LGALS13: variants seen among roughly 807,000 people sequenced by gnomAD.
LGALS13 encodes the protein galectin 13, also known as galactoside-binding soluble lectin 13.
A neutral mutation model predicts 13.2 loss-of-function variants in LGALS13; 11 were observed. That is an observed-to-expected ratio of 0.83 (90% CI 0.52 to 1.38). The LOEUF (loss-of-function observed/expected upper bound fraction) is 1.38. Ranked by LOEUF, LGALS13 falls within the 40% of genes most tolerant of loss-of-function variation. LGALS13 has a pLI of 0.00. For missense variants in LGALS13, 183 were observed against 174.3 expected (o/e 1.05, Z -0.28); for synonymous variants, 71 against 63.7 (o/e 1.11, Z -0.54).
At chr19:39,605,133 C>T (rs769700126) in intron 2 of LGALS13, 45 bp from the exon 3 acceptor site, 27 of 1,497,208 alleles carry the variant, frequency 1.8e-5, no homozygotes, top group South Asian at 2.3e-5. Flanking sequence ...TGTGTGTCTG[C>T]GCAAGGGAGG....
At chr19:39,602,677 G>A (rs1353363788) in intron 1 of LGALS13, 94 bp downstream of exon 1, 1 of 1,213,352 alleles carries the variant, frequency 8.2e-7, no homozygotes, top group African/African-American at 1.5e-5. Context: ...GAGCATTTTT[G>A]CTGTGAATGC....
rs1429841018 is a variant in LGALS13, at chr19:39,607,313, C to T, written c.394C>T (p.Leu132=). The T allele has an allele frequency of 6.2e-7, 1 of 1,613,006 alleles. No individual in the cohort carries two copies. The highest frequency in any genetic ancestry group is 8.5e-7 in the Non-Finnish European group (1 of 1,179,050). ...GGTGCAAGTGTCGAGAGATATCTCCCTGACCTCAGTGTGTGTCTGCAATTG... is the reference window on the plus strand; with the variant it reads ...GGTGCAAGTGTCGAGAGATATCTCCTTGACCTCAGTGTGTGTCTGCAATTG... ...KMVQVSRDIS[L]TSVCVCN Residue 132 remains leucine, a synonymous_variant, in exon 4 of 4, where the codon CTG becomes TTG. Coordinates refer to ENST00000221797, the MANE Select transcript of LGALS13 (RefSeq NM_013268.3).
chr19:39,604,758 T>C lies in LGALS13; in HGVS notation c.92+80T>C, dbSNP rs73930757. The C allele has an allele frequency of 3.4e-3, 5,194 of 1,539,310 alleles. 138 individuals are homozygous for C. The African/African-American group carries it at 0.063, about 19-fold the overall frequency. On this transcript the variant is annotated intron_variant, in intron 2 of 3. Transcript: ENST00000221797. The stretch of plus-strand genomic sequence containing the variant: ...AAGATTTGACCTTACATGTGGGTGA[T>C]GTGGAAATGTCTAGTTGGCAGAATG...
At chr19:39,604,087 T>G (rs1378530033) in intron 1 of LGALS13, 3 of 612,586 alleles carry the variant, frequency 4.9e-6, no homozygotes, top group Non-Finnish European at 6.1e-6. Context: ...TCAACAAGTG[T>G]TGTTTCTCAC....
At position 39,604,692 on chromosome 19, in the gene LGALS13, G is replaced by A; in HGVS notation, c.92+14G>A. 2 of 1,611,614 alleles carry A rather than the reference G, an allele frequency of 1.2e-6. No individual in the cohort carries two copies. The highest frequency in any genetic ancestry group is 4.5e-5 in the East Asian group (2 of 44,866). On this transcript the variant is annotated intron_variant, in intron 2 of 3. Transcript: ENST00000221797. ...CCACTCTTTTATGTGAGTACTCCAT[G>A]GTCCAATGGAGGGGTTGGAGAAGAA... is the stretch of plus-strand genomic sequence containing the variant.
intron 1 of LGALS13, among the ~76,000 whole-genome samples, chr19:39,603,028 T>A (rs1264609653): frequency 6.6e-6 from 1 of 152,152 alleles, no homozygotes; most frequent in African/African-American, 2.4e-5. Flanking sequence ...TGGCTCTGTG[T>A]GACTGTGAGT....
chr19:39,606,177 T>G (rs964260601), intron 3 of LGALS13, among the ~76,000 whole-genome samples: 4 of 152,256 alleles, frequency 2.6e-5, no homozygotes, highest in African/African-American at 9.6e-5. Flanking sequence ...TATGGAAGCA[T>G]ATAGATATGT....
chr19:39,605,728 G>A (rs1483438128), intron 3 of LGALS13, among the ~76,000 whole-genome samples: 1 of 152,080 alleles, frequency 6.6e-6, no homozygotes, highest in Non-Finnish European at 1.5e-5. Context: ...AAAAAAAAAG[G>A]TTGTTTTAAT....
At chr19:39,605,435 A>C (rs750317932) in intron 3 of LGALS13, 47 bp downstream of exon 3, 1 of 1,493,024 alleles carries the variant, frequency 6.7e-7, no homozygotes, top group East Asian at 2.3e-5. Flanking sequence ...TGGGCTCCCA[A>C]AACAGGAGGC....
At position 39,605,430 on chromosome 19, in the gene LGALS13, T is replaced by A. The variant is rs756951969; in HGVS notation, c.303+42T>A. 4.5e-6 allele frequency: 7 copies of A among 1,540,216 alleles called. No individual in the cohort carries two copies. The South Asian group carries it at 7.9e-5, about 17-fold the overall frequency. ...CTCCCAGCACCCAGGCTCTGTGGGC[T>A]CCCAAAACAGGAGGCAGCTCTCATT... On this transcript the variant is annotated intron_variant, in intron 3 of 3. Transcript: ENST00000221797.
chr19:39,605,927 AC>A (rs1972682102), intron 3 of LGALS13, among the ~76,000 whole-genome samples: 1 of 152,058 alleles, frequency 6.6e-6, no homozygotes, highest in Non-Finnish European at 1.5e-5. Flanking sequence ...GCTCACTGCA[AC>A]CTCCACCTCC....
chr19:39,604,495 C>T (rs1421413213), intron 1 of LGALS13, 107 bp from the exon 2 acceptor site: 7 of 1,228,804 alleles, frequency 5.7e-6, no homozygotes, highest in Non-Finnish European at 8.3e-6. Context: ...GGAGAGTCCA[C>T]AGAGTCTGCC....
intron 1 of LGALS13, among the ~76,000 whole-genome samples, 159 bp from the exon 2 acceptor site, chr19:39,604,443 A>G (rs1205140298): frequency 6.6e-6 from 1 of 152,162 alleles, no homozygotes; most frequent in Non-Finnish European, 1.5e-5. Context: ...GGTCCGCCAT[A>G]TCTTCAGGAA....
rs1191185144 is a variant in LGALS13, at chr19:39,605,201, AT to A, written c.119del (p.Phe40SerfsTer25). On this transcript the variant is annotated frameshift_variant, in exon 3 of 4. Transcript: ENST00000221797. LOFTEE classifies it high-confidence loss of function. The part of the protein sequence containing the change: ...SFINDPQLQV[D>X]FYTDMDEDSD... Reference sequence around the variant, plus strand: ...AGCAATGACCCACAGCTGCAGGTGGATTTCTACACTGACATGGATGAGGATT... The same window carrying A: ...AGCAATGACCCACAGCTGCAGGTGGATTCTACACTGACATGGATGAGGATT... 1 of 1,614,218 alleles carries A rather than the reference AT, an allele frequency of 6.2e-7. No homozygotes were observed.
At chr19:39,603,564 C>G (rs1317710334) in intron 1 of LGALS13, among the ~76,000 whole-genome samples, 1 of 151,852 alleles carries the variant, frequency 6.6e-6, no homozygotes, top group Non-Finnish European at 1.5e-5. Context: ...TATTAATCAA[C>G]CAAGCAGCTG....
At chr19:39,606,153 A>G (rs1467993129) in intron 3 of LGALS13, among the ~76,000 whole-genome samples, 1 of 152,172 alleles carries the variant, frequency 6.6e-6, no homozygotes, top group Non-Finnish European at 1.5e-5. Context: ...AGCCCTTCAG[A>G]GGAAATTTTT....
chr19:39,607,117 T>C lies in LGALS13; in HGVS notation c.304-106T>C. 11 of 819,036 alleles carry C rather than the reference T, an allele frequency of 1.3e-5. No individual in the cohort carries two copies. In the South Asian group the frequency reaches 1.5e-4, roughly 11 times the overall value. The allele number at this position is 819,036 out of a possible 1,614,324, so 50.7% of individuals were successfully genotyped here. ...TATCTAATACGTTAACTTGTATAAC[T>C]AGGAATTTTCTTGGGGAATGTTATT... On this transcript the variant is annotated intron_variant, in intron 3 of 3. Coordinates refer to ENST00000221797, the MANE Select transcript of LGALS13 (RefSeq NM_013268.3).
intron 2 of LGALS13, 174 bp from the exon 3 acceptor site, chr19:39,605,004 A>G: frequency 1.4e-6 from 1 of 700,092 alleles, no homozygotes; most frequent in Non-Finnish European, 2.6e-6. Context: ...AGGAGCACAG[A>G]ATCTCCCTGC....
chr19:39,605,535 C>T (rs1263053002), intron 3 of LGALS13, 147 bp downstream of exon 3: 4 of 720,314 alleles, frequency 5.6e-6, no homozygotes, highest in Non-Finnish European at 9.9e-6. Context: ...GCACCCCCTG[C>T]TTGCACTGCC....
Sources: allele counts gnomAD v4.1 joint callset (sites outside exome capture counted in the v4.1 genomes callset), GRCh38; gene constraint gnomAD v4.1.1; transcripts MANE v1.5; gene names NCBI Gene and HGNC (gene_info 2026-07-23, HGNC 2026-07-21).